Variants in ANKRD26 observed in about 807,000 individuals in gnomAD.
The protein encoded by ANKRD26 is ankyrin repeat domain 26.
A neutral mutation model predicts 208.7 loss-of-function variants in ANKRD26; 141 were observed. The ratio of observed to expected loss-of-function variants is 0.68; its 90% confidence interval spans 0.59 to 0.78. The LOEUF is 0.78. ANKRD26 is among the 30% of genes least tolerant of loss of function. The pLI, the probability that ANKRD26 is intolerant of heterozygous loss-of-function variation, is 0.00. For synonymous variants in ANKRD26, 636 were observed against 660.4 expected (o/e 0.96, Z 0.57); for missense variants, 1,889 against 1,938.7 (o/e 0.97, Z 0.48).
chr10:27,037,503 A>G (rs2054083618), intron 22 of ANKRD26, among the ~76,000 whole-genome samples, 180 bp from the exon 23 acceptor site: 1 of 152,216 alleles, frequency 6.6e-6, no homozygotes, highest in Admixed American at 6.5e-5. Context: ...AATTAATCAA[A>G]AAGCAAAAAT....
intron 4 of ANKRD26, among the ~76,000 whole-genome samples, chr10:26,998,460 G>C (rs114102182): frequency 6.6e-6 from 1 of 152,072 alleles, no homozygotes; most frequent in Admixed American, 6.5e-5. Flanking sequence ...GTCTGCTAAC[G>C]GGTCTGACCT....
Position 27,100,302 on chromosome 10 carries a change from C to T in ANKRD26, c.25G>A (p.Gly9Ser). The change falls in exon 1 of 34, where the codon GGC (glycine) becomes AGC (serine). Residue 9 changes from glycine (G) to serine (S), a missense_variant. Physicochemically the swap from Gly to Ser is moderately conservative, Grantham distance 56. Around this residue, in one of 3 missense-constraint regions of ANKRD26, gnomAD observed 1,272 missense variants for 1,273.8 expected, o/e 1.00. Coordinates refer to ENST00000376087, the MANE Select transcript of ANKRD26 (RefSeq NM_014915.3). MKKIFSKKGESPLGSFARR... is the reference protein window; with the variant it reads MKKIFSKKSESPLGSFARR... ...GCGAAGGAGCCCAAGGGCGACTCGCCCTTCTTACTAAAAATCTTCTTCATG... is the reference window on the plus strand; with the variant it reads ...GCGAAGGAGCCCAAGGGCGACTCGCTCTTCTTACTAAAAATCTTCTTCATG... 2 of 1,609,388 alleles carry T rather than the reference C, an allele frequency of 1.2e-6. No homozygotes were observed. The highest frequency in any genetic ancestry group is 1.1e-5 in the South Asian group (1 of 91,024).
intron 1 of ANKRD26, among the ~76,000 whole-genome samples, chr10:27,099,086 G>T (rs1362853290): frequency 6.6e-6 from 1 of 152,026 alleles, no homozygotes; most frequent in Non-Finnish European, 1.5e-5. Flanking sequence ...TGCCTCCCAG[G>T]TTCAAGCGAT....
At position 27,043,416 on chromosome 10, in the gene ANKRD26, A is replaced by G. The variant is rs780461972; in HGVS notation, c.2161+10T>C. 10 of 1,613,642 alleles carry G rather than the reference A, an allele frequency of 6.2e-6. No homozygotes were observed. Among genetic ancestry groups the G allele is most frequent in the East Asian group, 4.5e-5 (2 of 44,860 alleles). On this transcript the variant is annotated intron_variant, in intron 20 of 33. Transcript: ENST00000376087. The stretch of plus-strand genomic sequence containing the variant: ...CATAAAAAGGCCTTAAATTTATGCA[A>G]TGGTCCTACCTTTACACTCCATTCC...
At chr10:26,962,175 A>G in the ANKRD26 span, among the ~76,000 whole-genome samples, 7 of 152,132 alleles carry the variant, frequency 4.6e-5, no homozygotes, top group African/African-American at 1.7e-4. Flanking sequence ...CATACCTGTA[A>G]TCCCAGCTCT....
At chr10:27,018,932 G>T (rs1226009087) in intron 29 of ANKRD26, among the ~76,000 whole-genome samples, 1 of 152,118 alleles carries the variant, frequency 6.6e-6, no homozygotes, top group Non-Finnish European at 1.5e-5. Context: ...TCTAGGCAAA[G>T]ATTTTATGGC....
chr10:27,030,294 T>C, intron 25 of ANKRD26: 1 of 818,028 alleles, frequency 1.2e-6, no homozygotes, highest in Non-Finnish European at 1.5e-6. Flanking sequence ...AAGCCGACAG[T>C]ACTTTAAACA....
downstream of ANKRD26, among the ~76,000 whole-genome samples, chr10:26,989,622 T>C (rs970131714): frequency 7.9e-5 from 12 of 152,070 alleles, no homozygotes; most frequent in African/African-American, 2.9e-4. Context: ...ATTGCTGGGG[T>C]TCCCCTACCT....
chr10:27,001,610 G>T (rs2052726876), downstream of ANKRD26, among the ~76,000 whole-genome samples: 1 of 152,160 alleles, frequency 6.6e-6, no homozygotes, highest in African/African-American at 2.4e-5. Context: ...CAGAAAATCT[G>T]GCCGCCCCCA....
At chr10:27,053,278 G>C (rs749545850) in intron 16 of ANKRD26, 42 bp downstream of exon 16, 1 of 1,417,830 alleles carries the variant, frequency 7.1e-7, no homozygotes, top group Non-Finnish European at 9.9e-7. Flanking sequence ...TTAAAGCAAA[G>C]AAAACAATAT....
At chr10:26,960,524 C>T in the ANKRD26 span, among the ~76,000 whole-genome samples, 2,554 of 152,296 alleles carry the variant, frequency 0.017, 155 homozygotes, top group East Asian at 0.17. Flanking sequence ...AGAAGACTCA[C>T]CCAGCCAGGC....
rs1490912342 is a variant in ANKRD26 at position 27,035,691 on chromosome 10, T to C, written c.2759A>G (p.Glu920Gly). The C allele has an allele frequency of 6.2e-7, 1 of 1,603,342 alleles. No homozygotes were observed. Among genetic ancestry groups the C allele is most frequent in the Admixed American group, 1.8e-5 (1 of 57,102 alleles). Residue 920 changes from glutamate (E) to glycine (G), a missense_variant, in exon 24 of 34, where the codon GAA becomes GGA. By Grantham distance (98) the Glu-to-Gly change is moderately conservative. Transcript: ENST00000376087. ...TATTTCTAGTCTTAGCATAGCAATT[T>C]CTTCCTGCAACATGCTATTTTTATG... is the stretch of plus-strand genomic sequence containing the variant. ...LSHKNSMLQE[E>G]IAMLRLEIDT...
At chr10:27,038,100 A>G in intron 21 of ANKRD26, 46 bp from the exon 22 acceptor site, 1 of 1,525,972 alleles carries the variant, frequency 6.6e-7, no homozygotes, top group Non-Finnish European at 9.0e-7. Context: ...GTTACAAAAT[A>G]AAAAGTTCAT....
At chr10:27,016,335 C>T (rs562879491) in intron 30 of ANKRD26, among the ~76,000 whole-genome samples, 2 of 152,018 alleles carry the variant, frequency 1.3e-5, no homozygotes, top group Non-Finnish European at 2.9e-5. Flanking sequence ...CTAGCTCTCA[C>T]CATCTTGCCT....
At chr10:26,950,718 A>G in the ANKRD26 span, among the ~76,000 whole-genome samples, 1 of 113,416 alleles carries the variant, frequency 8.8e-6, no homozygotes, top group East Asian at 2.4e-4. Context: ...CCATGCTTCC[A>G]GTAAAGCCTG....
intron 9 of ANKRD26, 44 bp from the exon 10 acceptor site, chr10:27,067,330 CTG>C (rs767731180): frequency 2.5e-6 from 4 of 1,597,270 alleles, no homozygotes; most frequent in Non-Finnish European, 3.4e-6. Flanking sequence ...TCAGAAAACA[CTG>C]TATTTATTCA....
chr10:27,099,864 T>TA (rs2056590159), intron 1 of ANKRD26, among the ~76,000 whole-genome samples: 1 of 630 alleles, frequency 1.6e-3, no homozygotes. Context: ...AAGTGCTCTC[T>TA]AAGGGATTTC....
intron 6 of ANKRD26, 113 bp from the exon 7 acceptor site, chr10:27,079,274 G>T: frequency 1.2e-6 from 1 of 806,834 alleles, no homozygotes; most frequent in South Asian, 1.5e-5. Context: ...AAAACCTGGT[G>T]AAAGGTCAAC....
chr10:27,098,552 CTT>C (rs34288994), intron 1 of ANKRD26, among the ~76,000 whole-genome samples: 5 of 144,334 alleles, frequency 3.5e-5, no homozygotes, highest in Non-Finnish European at 4.5e-5. Context: ...AATTTTACCA[CTT>C]TTTTTTTTTT....
Sources: allele counts gnomAD v4.1 joint callset (sites outside exome capture counted in the v4.1 genomes callset), GRCh38; gene constraint gnomAD v4.1.1; regional missense constraint gnomAD v4.1.1; transcripts MANE v1.5; gene names NCBI Gene and HGNC (gene_info 2026-07-23, HGNC 2026-07-21).